SPATS1: variants seen among roughly 807,000 people sequenced by gnomAD.
SPATS1 encodes spermatogenesis-associated serine-rich protein 1.
SPATS1 carries 23 observed loss-of-function variants against 33.6 expected under a neutral mutation model. The ratio of observed to expected loss-of-function variants is 0.68; its 90% confidence interval spans 0.49 to 0.97. The LOEUF (loss-of-function observed/expected upper bound fraction) is 0.97. SPATS1 is among the 50% of genes least tolerant of loss of function. The pLI, the probability that SPATS1 is intolerant of heterozygous loss-of-function variation, is 0.00. For synonymous variants in SPATS1, 131 were observed against 125.6 expected, an observed-to-expected ratio of 1.04 and a Z score of -0.29; for missense variants, 327 against 361.0, an observed-to-expected ratio of 0.91 and a Z score of 0.76.
chr6:44,352,929 C>G (rs542268434), intron 3 of SPATS1, 56 bp downstream of exon 3: 2 of 1,577,112 alleles, frequency 1.3e-6, no homozygotes, highest in African/African-American at 2.7e-5. Flanking sequence ...GACCAAGAAG[C>G]CAATAGTCTG....
rs1263382441 is a variant in SPATS1 at position 44,378,965 on chromosome 6, AT to A, written c.*1905del. The A allele has an allele frequency of 6.6e-6, 1 of 152,128 alleles. No homozygotes were observed. The highest frequency in any genetic ancestry group is 1.5e-5 in the Non-Finnish European group (1 of 68,040). 9.4% of individuals were successfully genotyped at this position (152,128 alleles called of 1,614,324 possible). A position where few individuals can be genotyped will look rare whatever the true frequency, so the allele number is the denominator to read the frequency against. On this transcript the variant is annotated 3_prime_UTR_variant, in exon 9 of 9. Coordinates refer to ENST00000674044, the MANE Select transcript of SPATS1 (RefSeq NM_001372081.1). ...GCCCACCCCTGCTCCCAACATAATA[AT>A]TTAAAAAAACACCAAATAATTTTTA...
At chr6:44,353,783 A>G (rs1788386644) in intron 3 of SPATS1, among the ~76,000 whole-genome samples, 1 of 151,654 alleles carries the variant, frequency 6.6e-6, no homozygotes, top group South Asian at 2.1e-4. Flanking sequence ...CACGCCTGTA[A>G]TCCCAGCACT....
intron 2 of SPATS1, among the ~76,000 whole-genome samples, chr6:44,348,183 A>AT (rs1457441286): frequency 6.6e-6 from 1 of 151,790 alleles, no homozygotes; most frequent in Non-Finnish European, 1.5e-5. Context: ...TGATTTTTGT[A>AT]TTTTTGGTAG....
At chr6:44,346,610 C>T (rs1167672513) in intron 2 of SPATS1, among the ~76,000 whole-genome samples, 1 of 152,186 alleles carries the variant, frequency 6.6e-6, no homozygotes, top group Non-Finnish European at 1.5e-5. Flanking sequence ...TCTTGAACTC[C>T]TAGCTTCAAG....
At chr6:44,347,030 A>G (rs979461829) in intron 2 of SPATS1, among the ~76,000 whole-genome samples, 4 of 152,226 alleles carry the variant, frequency 2.6e-5, no homozygotes, top group African/African-American at 9.7e-5. Context: ...TACACCATGG[A>G]ATACTATGCA....
At position 44,378,363 on chromosome 6, in the gene SPATS1, GAA is replaced by G. The variant is rs1383950360; in HGVS notation, c.*1302_*1303del. 4 of 152,046 alleles carry G rather than the reference GAA, an allele frequency of 2.6e-5. No individual in the cohort carries two copies. Among genetic ancestry groups the G allele is most frequent in the African/African-American group, 4.8e-5 (2 of 41,368 alleles). 9.4% of individuals were successfully genotyped at this position (152,046 alleles called of 1,614,324 possible). A position where few individuals can be genotyped will look rare whatever the true frequency, so the allele number is the denominator to read the frequency against. ...CTAGTATCTCCAAAACCTTAAAGTGGAAAGAGATTGGGGTCCATGCTGAGACT... is the reference window on the plus strand; with the variant it reads ...CTAGTATCTCCAAAACCTTAAAGTGGAGAGATTGGGGTCCATGCTGAGACT... On this transcript the variant is annotated 3_prime_UTR_variant, in exon 9 of 9. Transcript: ENST00000674044.
chr6:44,349,245 G>A (rs1788089347), intron 2 of SPATS1, among the ~76,000 whole-genome samples: 1 of 137,212 alleles, frequency 7.3e-6, no homozygotes, highest in Non-Finnish European at 1.5e-5. Flanking sequence ...GTTGCAGTGA[G>A]CCGAGATTAT....
chr6:44,343,271 G>C, intron 2 of SPATS1, 37 bp downstream of exon 2: 2 of 1,581,152 alleles, frequency 1.3e-6, no homozygotes. Flanking sequence ...GGAGTTGGTG[G>C]CCACATCCAA....
In SPATS1 at chr6:44,377,117, A is replaced by G. The variant is rs1301361951; in HGVS notation, c.*54A>G. ...GACTGCACTCTGGCGACCCTTTTCC[A>G]GTTGATGTTTTTTGTCATGTGACTG... On this transcript the variant is annotated 3_prime_UTR_variant, in exon 9 of 9. Coordinates refer to ENST00000674044, the MANE Select transcript of SPATS1 (RefSeq NM_001372081.1). The G allele has an allele frequency of 1.3e-5, 21 of 1,607,020 alleles. No homozygotes were observed. Among genetic ancestry groups the G allele is most frequent in the Non-Finnish European group, 1.7e-5 (20 of 1,173,696 alleles).
intron 7 of SPATS1, 135 bp downstream of exon 7, chr6:44,370,248 GTTT>G: frequency 1.4e-6 from 1 of 718,388 alleles, no homozygotes; most frequent in Non-Finnish European, 2.3e-6. Flanking sequence ...GGGTGGGGCA[GTTT>G]GTAAGGAAGG....
At chr6:44,342,983 C>T (rs1203299348) in intron 1 of SPATS1, 113 bp from the exon 2 acceptor site, 3 of 1,412,774 alleles carry the variant, frequency 2.1e-6, no homozygotes, top group Non-Finnish European at 1.9e-6. Flanking sequence ...CAGTCCTGCC[C>T]TCCTGACTTT....
intron 8 of SPATS1, 63 bp from the exon 9 acceptor site, chr6:44,376,972 T>C: frequency 2.5e-6 from 4 of 1,590,720 alleles, no homozygotes; most frequent in Non-Finnish European, 3.5e-6. Context: ...GTCGAGTGTA[T>C]TGATTGAGAA....
chr6:44,352,099 G>A (rs1277213131), intron 2 of SPATS1, among the ~76,000 whole-genome samples: 2 of 152,032 alleles, frequency 1.3e-5, no homozygotes, highest in Admixed American at 6.6e-5. Flanking sequence ...AGTGTCACAA[G>A]AGCTGTAATC....
intron 5 of SPATS1, among the ~76,000 whole-genome samples, chr6:44,366,727 T>C (rs1789274295): frequency 6.6e-6 from 1 of 152,206 alleles, no homozygotes; most frequent in Non-Finnish European, 1.5e-5. Flanking sequence ...AGCAATCGTA[T>C]CCTCCAGATT....
intron 5 of SPATS1, among the ~76,000 whole-genome samples, chr6:44,363,847 T>C (rs987372558): frequency 3.4e-4 from 52 of 152,290 alleles, no homozygotes; most frequent in African/African-American, 1.1e-3. Flanking sequence ...AAATGAAATA[T>C]CACAAATACT....
intron 7 of SPATS1, among the ~76,000 whole-genome samples, chr6:44,375,100 C>T (rs1789847553): frequency 1.3e-5 from 2 of 152,216 alleles, no homozygotes; most frequent in African/African-American, 4.8e-5. Flanking sequence ...CCAGAAATGT[C>T]CTTTCAGGTC....
chr6:44,372,376 G>A (rs1301101567), intron 7 of SPATS1, among the ~76,000 whole-genome samples: 4 of 151,944 alleles, frequency 2.6e-5, no homozygotes, highest in Admixed American at 2.0e-4. Context: ...GGTATGTCTA[G>A]TAATTTTTAT....
intron 3 of SPATS1, among the ~76,000 whole-genome samples, chr6:44,355,974 C>T (rs756998934): frequency 8.5e-5 from 13 of 152,124 alleles, no homozygotes; most frequent in Admixed American, 5.9e-4. Flanking sequence ...GCCTGGGTTA[C>T]GGAGGACCTA....
chr6:44,375,585 G>C (rs948299282), intron 7 of SPATS1, among the ~76,000 whole-genome samples: 1 of 152,158 alleles, frequency 6.6e-6, no homozygotes, highest in Non-Finnish European at 1.5e-5. Flanking sequence ...CAAGGTGGGA[G>C]GATCATTTGG....
Sources: gnomAD v4.1 joint callset for allele counts (sites outside exome capture counted in the v4.1 genomes callset) on GRCh38, gnomAD v4.1.1 for gene constraint, MANE v1.5 for transcripts, NCBI Gene and HGNC (gene_info 2026-07-23, HGNC 2026-07-21) for gene names.